The following BACH2 variants were observed in gnomAD, a reference collection of about 807,000 sequenced individuals.
BACH2 encodes transcription regulator protein BACH2.
A neutral mutation model predicts 61.8 loss-of-function variants in BACH2; 5 were observed. The ratio of observed to expected loss-of-function variants is 0.08; its 90% confidence interval spans 0.04 to 0.17. The LOEUF (loss-of-function observed/expected upper bound fraction) is 0.17. BACH2 is among the 10% of genes least tolerant of loss of function. BACH2 has a pLI of 1.00. For missense variants in BACH2, 824 were observed against 1,091.1 expected (o/e 0.76, Z 3.45); for synonymous variants, 446 against 440.1 (o/e 1.01, Z -0.17).
chr6:89,978,673 G>GCTAAT (rs1775787976), intron 6 of BACH2, among the ~76,000 whole-genome samples: 1 of 139,118 alleles, frequency 7.2e-6, no homozygotes, highest in Non-Finnish European at 1.6e-5. Context: ...ATAAACAGCA[G>GCTAAT]AACATTAGCT....
intron 4 of BACH2, among the ~76,000 whole-genome samples, chr6:90,100,300 G>T (rs1782559027): frequency 1.3e-5 from 2 of 152,208 alleles, no homozygotes; most frequent in African/African-American, 4.8e-5. Context: ...ATACCTGGAA[G>T]TGAAATCGCT....
At position 89,968,908 on chromosome 6, in the gene BACH2, G is replaced by A. The variant is rs553688604; in HGVS notation, c.244-17046C>T. Among the ~76,000 whole-genome samples the A allele has an allele frequency of 3.0e-3, 454 of 152,180 alleles. 2 individuals are homozygous for A. The highest frequency in any genetic ancestry group is 9.2e-3 in the African/African-American group (382 of 41,518). On this transcript the variant is annotated intron_variant, in intron 6 of 8. Coordinates refer to ENST00000257749, the MANE Select transcript of BACH2 (RefSeq NM_021813.4). ...TGCCTGTAGTCCCAGCTACTTGGGGGGCTGAGGCAGGAAGACTGCTTGAAT... is the reference window on the plus strand; with the variant it reads ...TGCCTGTAGTCCCAGCTACTTGGGGAGCTGAGGCAGGAAGACTGCTTGAAT...
chr6:89,955,264 A>T (rs560834169), intron 6 of BACH2, among the ~76,000 whole-genome samples: 3 of 152,108 alleles, frequency 2.0e-5, no homozygotes, highest in African/African-American at 7.2e-5. Context: ...TATGTGTAGG[A>T]CTCAGGCCTG....
intron 6 of BACH2, among the ~76,000 whole-genome samples, chr6:89,975,519 T>C (rs1209476129): frequency 6.6e-6 from 1 of 152,210 alleles, no homozygotes; most frequent in East Asian, 1.9e-4. Context: ...TCAAGTTACC[T>C]TCATATTCAC....
At chr6:90,195,827 T>C (rs988780215) in intron 4 of BACH2, among the ~76,000 whole-genome samples, 3 of 152,202 alleles carry the variant, frequency 2.0e-5, no homozygotes, top group Non-Finnish European at 4.4e-5. Context: ...TCTTTTTAAT[T>C]GCTTTTTCCT....
chr6:90,084,564 C>T (rs1411836864), intron 5 of BACH2, among the ~76,000 whole-genome samples: 6 of 148,188 alleles, frequency 4.0e-5, no homozygotes, highest in Non-Finnish European at 5.9e-5. Context: ...GGTATCTCAG[C>T]GGCTCCCCAT....
At position 90,050,614 on chromosome 6, in the gene BACH2, G is replaced by A. The variant is rs58059113; in HGVS notation, c.-13+38347C>T. On this transcript the variant is annotated intron_variant, in intron 5 of 8. Coordinates refer to ENST00000257749, the MANE Select transcript of BACH2 (RefSeq NM_021813.4). ...TTTCACTTTTATCTTGAAAAATATA[G>A]TTTTTTCATAAAGATATGTTATTCA... Among the ~76,000 whole-genome samples, 904 of 152,134 alleles carry A rather than the reference G, an allele frequency of 5.9e-3. 51 individuals carry two copies. The East Asian group carries it at 0.14, about 23-fold the overall frequency.
chr6:89,946,951 A>G (rs1466066754), intron 7 of BACH2, among the ~76,000 whole-genome samples: 4 of 152,210 alleles, frequency 2.6e-5, no homozygotes, highest in Admixed American at 6.5e-5. Context: ...TGTGAGATGG[A>G]AGGGCTGCTT....
At position 90,055,624 on chromosome 6, in the gene BACH2, G is replaced by A. The variant is rs535425386; in HGVS notation, c.-13+33337C>T. 6.9e-5 allele frequency among the ~76,000 whole-genome samples: 10 copies of A among 145,180 alleles called. No individual in the cohort carries two copies. The East Asian group carries it at 1.2e-3, about 17-fold the overall frequency. ...TTCAGATTCAGGAAATACAGAGAAC[G>A]CCACAAAGATACTCCTCGAGAAGAG... On this transcript the variant is annotated intron_variant, in intron 5 of 8. Coordinates refer to ENST00000257749, the MANE Select transcript of BACH2 (RefSeq NM_021813.4).
In BACH2 at chr6:90,028,113, CT is replaced by C. The variant is rs557626462; in HGVS notation, c.-12-19258del. Among the ~76,000 whole-genome samples the C allele has an allele frequency of 1.8e-4, 28 of 152,276 alleles. No individual in the cohort carries two copies. The South Asian group carries it at 5.6e-3, about 30-fold the overall frequency. ...TCGGCCATGACACTATGTAGACTTC[CT>C]TCTGCAACATCCCTTGATGACTGTG... is the stretch of plus-strand genomic sequence containing the variant. On this transcript the variant is annotated intron_variant, in intron 5 of 8. Transcript: ENST00000257749.
intron 3 of BACH2, among the ~76,000 whole-genome samples, chr6:90,245,302 AC>A: frequency 6.6e-6 from 1 of 152,336 alleles, no homozygotes; most frequent in East Asian, 1.9e-4. Flanking sequence ...AAGTAAGTGG[AC>A]ATTTCAACCA....
At chr6:90,053,226 T>A (rs1158140836) in intron 5 of BACH2, among the ~76,000 whole-genome samples, 1 of 152,196 alleles carries the variant, frequency 6.6e-6, no homozygotes, top group Non-Finnish European at 1.5e-5. Context: ...TTGCTTACAA[T>A]TTCTATTTTT....
chr6:89,988,942 C>T (rs1454658716), intron 6 of BACH2, among the ~76,000 whole-genome samples: 1 of 152,188 alleles, frequency 6.6e-6, no homozygotes, highest in African/African-American at 2.4e-5. Flanking sequence ...CTCAGGTCTG[C>T]AACCTTGATT....
rs541965810 is a variant in BACH2, at chr6:90,054,625, G to C, written c.-13+34336C>G. 3.9e-4 allele frequency among the ~76,000 whole-genome samples: 59 copies of C among 152,340 alleles called. No individual in the cohort carries two copies. The South Asian group carries it at 0.011, about 28-fold the overall frequency. On this transcript the variant is annotated intron_variant, in intron 5 of 8. Transcript: ENST00000257749. ...CTCTCTGACAGCTTTGAAGAGAGTA[G>C]TGGTTCTCCCAGCACACAGCTTGAG...
At chr6:90,169,812 T>A (rs1394613920) in intron 4 of BACH2, among the ~76,000 whole-genome samples, 1 of 152,226 alleles carries the variant, frequency 6.6e-6, no homozygotes, top group Non-Finnish European at 1.5e-5. Flanking sequence ...CCTTCACCAA[T>A]TGGGACTTTC....
intron 7 of BACH2, among the ~76,000 whole-genome samples, chr6:89,946,640 C>T (rs943860425): frequency 2.0e-5 from 3 of 152,110 alleles, no homozygotes; most frequent in Non-Finnish European, 4.4e-5. Context: ...CCTGTGTGAT[C>T]GACCTACAGC....
intron 4 of BACH2, among the ~76,000 whole-genome samples, chr6:90,167,566 C>T (rs1399067678): frequency 6.6e-6 from 1 of 152,100 alleles, no homozygotes. Context: ...CCATGTTGTC[C>T]AGGCTGGTCT....
rs143682162 is a variant in BACH2, at chr6:90,275,339, T to G, written c.-445-3398A>C. ...TCTTCAAATATGACTTGAAAATTAT[T>G]TGGTTTCTCCCCTACCTCCCCCTAC... On this transcript the variant is annotated intron_variant, in intron 1 of 8. Coordinates refer to ENST00000257749, the MANE Select transcript of BACH2 (RefSeq NM_021813.4). Among the ~76,000 whole-genome samples the G allele has an allele frequency of 4.8e-3, 737 of 152,294 alleles. 5 individuals carry two copies. The highest frequency in any genetic ancestry group is 7.8e-3 in the Admixed American group (120 of 15,302).
chr6:90,213,546 G>A (rs2127852699), intron 3 of BACH2, among the ~76,000 whole-genome samples: 1 of 152,266 alleles, frequency 6.6e-6, no homozygotes. Flanking sequence ...AGAGATAGGG[G>A]CCAAGTCAGT....
Sources: gnomAD v4.1 joint callset for allele counts (sites outside exome capture counted in the v4.1 genomes callset) on GRCh38, gnomAD v4.1.1 for gene constraint, MANE v1.5 for transcripts, NCBI Gene and HGNC (gene_info 2026-07-23, HGNC 2026-07-21) for gene names.